The following PRKCA variants were observed in gnomAD, a reference collection of about 807,000 sequenced individuals.
PRKCA encodes protein kinase C alpha, also known as protein kinase C alpha type.
PRKCA carries 27 observed loss-of-function variants against 87.0 expected under a neutral mutation model. That is an observed-to-expected ratio of 0.31 (90% CI 0.23 to 0.43). The LOEUF is 0.43. Among genes scored for constraint, PRKCA ranks in the 20% least tolerant of loss-of-function variants. The pLI is 1.00. For synonymous variants in PRKCA, 329 were observed against 311.1 expected (o/e 1.06, Z -0.61); for missense variants, 518 against 852.3 (o/e 0.61, Z 4.88).
rs188638002 is a variant in PRKCA, at chr17:66,762,125, C to T, written c.1525-11862C>T. On this transcript the variant is annotated intron_variant, in intron 13 of 16. Coordinates refer to ENST00000413366, the MANE Select transcript of PRKCA (RefSeq NM_002737.3). ...AGTAAATTAATATTTGCTGAAAGAACGAATGGAAGGTTTATTGTCGCTTAA... is the reference window on the plus strand; with the variant it reads ...AGTAAATTAATATTTGCTGAAAGAATGAATGGAAGGTTTATTGTCGCTTAA... Among the ~76,000 whole-genome samples the T allele has an allele frequency of 7.8e-4, 118 of 152,246 alleles. No individual in the cohort carries two copies. The Middle Eastern group carries it at 0.01, about 13-fold the overall frequency.
In PRKCA at chr17:66,721,322, G is replaced by A. The variant is rs977022340; in HGVS notation, c.919-11366G>A. Among the ~76,000 whole-genome samples, 20 of 151,406 alleles carry A rather than the reference G, an allele frequency of 1.3e-4. No homozygotes were observed. The South Asian group carries it at 1.7e-3, about 13-fold the overall frequency. ...TGAGGCAGGAGAATGGCGTGTATCC[G>A]GAGGTGGAGCTTGCAGTGAGCCGAG... On this transcript the variant is annotated intron_variant, in intron 8 of 16. Coordinates refer to ENST00000413366, the MANE Select transcript of PRKCA (RefSeq NM_002737.3).
chr17:66,378,458 C>T (rs1002784541), intron 2 of PRKCA, among the ~76,000 whole-genome samples: 2 of 151,932 alleles, frequency 1.3e-5, no homozygotes, highest in African/African-American at 4.8e-5. Flanking sequence ...CTATTAATAC[C>T]ATCTACTTTG....
chr17:66,362,695 T>C (rs1908463705), intron 2 of PRKCA, among the ~76,000 whole-genome samples: 1 of 151,610 alleles, frequency 6.6e-6, no homozygotes, highest in African/African-American at 2.4e-5. Context: ...TTTTCCTCTT[T>C]GTTTTTTAAT....
intron 5 of PRKCA, among the ~76,000 whole-genome samples, chr17:66,680,398 T>C (rs542667947): frequency 6.6e-6 from 1 of 152,268 alleles, no homozygotes; most frequent in South Asian, 2.1e-4. Flanking sequence ...GTAATTCTGT[T>C]TTGAGCCTTT....
At chr17:66,425,463 T>C (rs1912749941) in intron 2 of PRKCA, among the ~76,000 whole-genome samples, 1 of 152,210 alleles carries the variant, frequency 6.6e-6, no homozygotes, top group Non-Finnish European at 1.5e-5. Context: ...TTGCTTATTG[T>C]CTGGAGAAAA....
At chr17:66,336,410 C>T (rs553859065) in intron 2 of PRKCA, among the ~76,000 whole-genome samples, 1 of 152,230 alleles carries the variant, frequency 6.6e-6, no homozygotes, top group African/African-American at 2.4e-5. Flanking sequence ...GCCAAAATCT[C>T]GTTGAATGGG....
chr17:66,377,677 T>C (rs1455700366), intron 2 of PRKCA, among the ~76,000 whole-genome samples: 1 of 143,884 alleles, frequency 7.0e-6, no homozygotes, highest in East Asian at 2.0e-4. Context: ...AAAATGTCTA[T>C]TATATATATA....
At chr17:66,452,116 C>T (rs1163806592) in intron 2 of PRKCA, among the ~76,000 whole-genome samples, 2 of 152,160 alleles carry the variant, frequency 1.3e-5, no homozygotes, top group Non-Finnish European at 1.5e-5. Context: ...GCTGACCCAG[C>T]GAACCAAGAC....
intron 3 of PRKCA, among the ~76,000 whole-genome samples, chr17:66,504,868 G>C (rs1390863560): frequency 2.6e-5 from 4 of 152,168 alleles, no homozygotes; most frequent in Admixed American, 6.5e-5. Flanking sequence ...CTACACTCAG[G>C]TGACATATTT....
At chr17:66,719,457 G>A (rs1433023031) in intron 8 of PRKCA, among the ~76,000 whole-genome samples, 3 of 152,300 alleles carry the variant, frequency 2.0e-5, no homozygotes, top group Non-Finnish European at 4.4e-5. Flanking sequence ...TATATATGCT[G>A]CCAAAATGAG....
intron 3 of PRKCA, among the ~76,000 whole-genome samples, chr17:66,611,408 C>G (rs1471825809): frequency 6.6e-6 from 1 of 152,180 alleles, no homozygotes; most frequent in Non-Finnish European, 1.5e-5. Context: ...ATGGATTTGT[C>G]TATTCTGGAC....
chr17:66,721,582 G>A (rs1286967574), intron 8 of PRKCA, among the ~76,000 whole-genome samples: 2 of 152,000 alleles, frequency 1.3e-5, no homozygotes, highest in African/African-American at 4.8e-5. Context: ...GACCATACGG[G>A]GTAACCACTG....
chr17:66,435,893 C>T (rs748842751), intron 2 of PRKCA, among the ~76,000 whole-genome samples: 4 of 152,044 alleles, frequency 2.6e-5, no homozygotes, highest in South Asian at 2.1e-4. Context: ...ACATGACCAT[C>T]GTGAAGGACC....
intron 3 of PRKCA, among the ~76,000 whole-genome samples, chr17:66,511,123 G>A (rs1917210169): frequency 6.6e-6 from 1 of 152,016 alleles, no homozygotes. Flanking sequence ...TACGCCTATT[G>A]CTAGCTTTCT....
At chr17:66,657,563 G>A (rs1971769615) in intron 5 of PRKCA, among the ~76,000 whole-genome samples, 1 of 152,126 alleles carries the variant, frequency 6.6e-6, no homozygotes, top group Admixed American at 6.6e-5. Flanking sequence ...TGGGAGTGGG[G>A]GTACAGTGCA....
intron 13 of PRKCA, among the ~76,000 whole-genome samples, chr17:66,752,554 T>C (rs6504456): frequency 0.43 from 65,980 of 152,016 alleles, 14,804 homozygotes; most frequent in East Asian, 0.64. Flanking sequence ...GCCAAGATCA[T>C]GCCAGTGCTC....
chr17:66,768,265 G>GA (rs1366236068), intron 13 of PRKCA, among the ~76,000 whole-genome samples: 3 of 150,874 alleles, frequency 2.0e-5, no homozygotes, highest in African/African-American at 7.3e-5. Context: ...TTTTTTTGGG[G>GA]GGGAGAGATT....
intron 5 of PRKCA, among the ~76,000 whole-genome samples, chr17:66,654,115 T>A (rs886675084): frequency 6.6e-6 from 1 of 152,146 alleles, no homozygotes; most frequent in Non-Finnish European, 1.5e-5. Flanking sequence ...GATTGGTGGG[T>A]CCGTTTAGCT....
intron 3 of PRKCA, among the ~76,000 whole-genome samples, chr17:66,564,091 T>C (rs1248479639): frequency 1.3e-5 from 2 of 151,798 alleles, no homozygotes; most frequent in Non-Finnish European, 1.5e-5. Context: ...TCTCTTTCTT[T>C]CTTTCGAGAC....
Sources: gnomAD v4.1 joint callset for allele counts (sites outside exome capture counted in the v4.1 genomes callset) on GRCh38, gnomAD v4.1.1 for gene constraint, MANE v1.5 for transcripts, NCBI Gene and HGNC (gene_info 2026-07-23, HGNC 2026-07-21) for gene names.